TP63: variants seen among roughly 807,000 people sequenced by gnomAD.
TP63 encodes the protein tumor protein p63.
Under a neutral mutation model 82.8 loss-of-function variants are expected in TP63, and 17 were observed. The observed-to-expected ratio is 0.21, with a 90% confidence interval of 0.14 to 0.31. The LOEUF (loss-of-function observed/expected upper bound fraction) is 0.31. Ranked by LOEUF, TP63 falls within the 10% of genes least tolerant of loss-of-function variation. TP63 has a pLI of 1.00. For missense variants in TP63, 648 were observed against 895.3 expected, an observed-to-expected ratio of 0.72 and a Z score of 3.52; for synonymous variants, 330 against 321.7, an observed-to-expected ratio of 1.03 and a Z score of -0.28.
Position 189,708,870 on chromosome 3 carries a change from C to T in TP63, c.63-28870C>T, listed in dbSNP as rs191087151. On this transcript the variant is annotated intron_variant, in intron 1 of 13. Transcript: ENST00000264731. ...TTCTTTATACCCATACATTGCTTCA[C>T]GGCTCAGAGACATTGCTGGAACACG... Among the ~76,000 whole-genome samples, 45 of 152,292 alleles carry T rather than the reference C, an allele frequency of 3.0e-4. No individual in the cohort carries two copies. The East Asian group carries it at 8.3e-3, about 28-fold the overall frequency.
chr3:189,847,640 T>G (rs1007911198), intron 4 of TP63, among the ~76,000 whole-genome samples: 1 of 152,230 alleles, frequency 6.6e-6, no homozygotes, highest in Non-Finnish European at 1.5e-5. Context: ...ACAGTTGCAC[T>G]GGGGGTCCTT....
chr3:189,617,655 A>T, the TP63 span, among the ~76,000 whole-genome samples: 2 of 152,246 alleles, frequency 1.3e-5, no homozygotes, highest in African/African-American at 4.8e-5. Context: ...TGGCATTAAC[A>T]TCTACCATCT....
the TP63 span, among the ~76,000 whole-genome samples, chr3:189,625,453 T>TA: frequency 0.44 from 65,992 of 149,486 alleles, 14,856 homozygotes; most frequent in East Asian, 0.49. Flanking sequence ...TAAAAGATAC[T>TA]AAAAAAAAAA....
chr3:189,787,319 G>A (rs1724686331), intron 3 of TP63, among the ~76,000 whole-genome samples: 1 of 152,024 alleles, frequency 6.6e-6, no homozygotes, highest in Non-Finnish European at 1.5e-5. Flanking sequence ...TCTTATCTTT[G>A]TAATTGTCTT....
intron 11 of TP63, among the ~76,000 whole-genome samples, chr3:189,888,941 C>T (rs954741387): frequency 6.6e-6 from 1 of 152,206 alleles, no homozygotes; most frequent in Non-Finnish European, 1.5e-5. Context: ...AGGCACTGTG[C>T]TAGGGACTGT....
At chr3:189,747,941 G>A (rs1342382584) in intron 3 of TP63, among the ~76,000 whole-genome samples, 1 of 151,938 alleles carries the variant, frequency 6.6e-6, no homozygotes. Context: ...ATACTAACAA[G>A]CTGGAAAACT....
intron 3 of TP63, among the ~76,000 whole-genome samples, chr3:189,791,408 T>G (rs1171726331): frequency 6.6e-6 from 1 of 152,106 alleles, no homozygotes; most frequent in East Asian, 1.9e-4. Context: ...ATGTTGTGAT[T>G]AGAGGATATT....
intron 1 of TP63, among the ~76,000 whole-genome samples, chr3:189,694,629 A>G (rs1717203141): frequency 6.6e-6 from 1 of 151,830 alleles, no homozygotes; most frequent in Admixed American, 6.6e-5. Flanking sequence ...TTTTCAACAC[A>G]TTATATTAAG....
At chr3:189,707,430 A>G (rs1718287768) in intron 1 of TP63, among the ~76,000 whole-genome samples, 1 of 152,148 alleles carries the variant, frequency 6.6e-6, no homozygotes, top group South Asian at 2.1e-4. Flanking sequence ...GGTGAATTAT[A>G]TACTCTTTTT....
the TP63 span, among the ~76,000 whole-genome samples, chr3:189,605,041 G>A: frequency 6.6e-6 from 1 of 152,168 alleles, no homozygotes. Flanking sequence ...CTCCCACTGA[G>A]GGTCTCAGAG....
intron 4 of TP63, among the ~76,000 whole-genome samples, chr3:189,861,198 G>A (rs751126226): frequency 2.0e-5 from 3 of 152,082 alleles, no homozygotes; most frequent in Non-Finnish European, 2.9e-5. Flanking sequence ...CACTGTGCCC[G>A]ACCACATGTG....
At chr3:189,849,891 T>C (rs1715408436) in intron 4 of TP63, among the ~76,000 whole-genome samples, 1 of 152,216 alleles carries the variant, frequency 6.6e-6, no homozygotes, top group Admixed American at 6.5e-5. Context: ...TTCTAACATC[T>C]TCTGTATTCT....
intron 3 of TP63, among the ~76,000 whole-genome samples, chr3:189,763,439 A>C (rs1722727290): frequency 1.3e-5 from 2 of 152,172 alleles, no homozygotes; most frequent in African/African-American, 2.4e-5. Flanking sequence ...ACTGGAGGCA[A>C]TGTGGAGAAT....
At chr3:189,602,370 C>T in the TP63 span, among the ~76,000 whole-genome samples, 1 of 152,098 alleles carries the variant, frequency 6.6e-6, no homozygotes, top group African/African-American at 2.4e-5. Flanking sequence ...TCAGAAAGCC[C>T]AGACTTTCTG....
chr3:189,700,476 A>G (rs1395571073), intron 1 of TP63, among the ~76,000 whole-genome samples: 2 of 152,202 alleles, frequency 1.3e-5, no homozygotes, highest in African/African-American at 4.8e-5. Context: ...CGTATGAGAA[A>G]TGGAAGCCCC....
rs184452906 is a variant in TP63 at position 189,895,129 on chromosome 3, T to C, written c.*627T>C. 344 of 221,384 alleles carry C rather than the reference T, an allele frequency of 1.6e-3. 4 individuals are homozygous for C. In the South Asian group the frequency reaches 0.023, roughly 15 times the overall value. The allele number at this position is 221,384 out of a possible 1,614,324, so 13.7% of individuals were successfully genotyped here. On this transcript the variant is annotated 3_prime_UTR_variant, in exon 14 of 14. Coordinates refer to ENST00000264731, the MANE Select transcript of TP63 (RefSeq NM_003722.5). ...GTAGATCCATTTCCATTGCTTATTATGTAGGTAAGACTGTAGATATGTATT... is the reference window on the plus strand; with the variant it reads ...GTAGATCCATTTCCATTGCTTATTACGTAGGTAAGACTGTAGATATGTATT...
intron 3 of TP63, among the ~76,000 whole-genome samples, chr3:189,783,588 C>T (rs1367751436): frequency 1.3e-5 from 2 of 151,642 alleles, no homozygotes; most frequent in Non-Finnish European, 2.9e-5. Context: ...TTTGGAAATA[C>T]TTGATGAATA....
intron 1 of TP63, among the ~76,000 whole-genome samples, chr3:189,723,967 G>A (rs1422464058): frequency 6.6e-6 from 1 of 151,534 alleles, no homozygotes; most frequent in East Asian, 1.9e-4. Flanking sequence ...AAAATCCTCA[G>A]GGGCTTTTGC....
chr3:189,652,041 G>T (rs1712939097), intron 1 of TP63, among the ~76,000 whole-genome samples: 1 of 146,908 alleles, frequency 6.8e-6, no homozygotes, highest in South Asian at 2.2e-4. Context: ...GCCTCATGGA[G>T]AACCTCTGGC....
Sources: allele counts gnomAD v4.1 joint callset (sites outside exome capture counted in the v4.1 genomes callset), GRCh38; gene constraint gnomAD v4.1.1; transcripts MANE v1.5; gene names NCBI Gene and HGNC (gene_info 2026-07-23, HGNC 2026-07-21).